HDAC4: variants seen among roughly 807,000 people sequenced by gnomAD.
HDAC4 encodes the protein histone deacetylase 4.
HDAC4 carries 16 observed loss-of-function variants against 135.1 expected under a neutral mutation model. The observed-to-expected ratio is 0.12, with a 90% CI of 0.08 to 0.18. HDAC4 has a LOEUF of 0.18. Ranked by LOEUF, HDAC4 falls within the 10% of genes least tolerant of loss-of-function variation. The pLI, the probability that HDAC4 is intolerant of heterozygous loss-of-function variation, is 1.00. For synonymous variants in HDAC4, 685 were observed against 653.4 expected (o/e 1.05, Z -0.74); for missense variants, 1,143 against 1,511.8 (o/e 0.76, Z 4.05).
chr2:239,216,251 T>C (rs944450139), intron 3 of HDAC4, among the ~76,000 whole-genome samples: 1 of 151,976 alleles, frequency 6.6e-6, no homozygotes, highest in African/African-American at 2.4e-5. Flanking sequence ...CATGTATATG[T>C]AGTATTTATG....
At chr2:239,356,467 C>T (rs1000665916) in intron 1 of HDAC4, among the ~76,000 whole-genome samples, 11 of 152,140 alleles carry the variant, frequency 7.2e-5, no homozygotes, top group Admixed American at 4.6e-4. Context: ...TGTTTTATAA[C>T]GTACAGTCAA....
intron 3 of HDAC4, among the ~76,000 whole-genome samples, chr2:239,201,276 G>A (rs192516225): frequency 6.6e-6 from 1 of 152,126 alleles, no homozygotes; most frequent in Non-Finnish European, 1.5e-5. Flanking sequence ...GGTCACCCAG[G>A]GGGGTGCCTC....
intron 2 of HDAC4, among the ~76,000 whole-genome samples, chr2:239,286,597 AC>A (rs1237248509): frequency 2.0e-5 from 3 of 152,200 alleles, no homozygotes; most frequent in Non-Finnish European, 4.4e-5. Flanking sequence ...GATTTCCAGG[AC>A]TGATAAAACA....
In HDAC4 at chr2:239,141,212, C is replaced by T. The variant is rs189288114; in HGVS notation, c.866-1416G>A. ...GAAGGCGCACCTCCTCTGTTGACCA[C>T]GCTGCCCACCAGGAACACCCTGGGA... On this transcript the variant is annotated intron_variant, in intron 8 of 26. Coordinates refer to ENST00000543185, the MANE Select transcript of HDAC4 (RefSeq NM_001378414.1). The surrounding 1 kb of genome is among the most constrained non-coding windows in gnomAD (Gnocchi z 4.9). Among the ~76,000 whole-genome samples, 77 of 152,256 alleles carry T rather than the reference C, an allele frequency of 5.1e-4. No homozygotes were observed. The East Asian group carries it at 0.014, about 27-fold the overall frequency.
At chr2:239,367,349 C>T (rs909618202) in intron 1 of HDAC4, among the ~76,000 whole-genome samples, 2 of 152,204 alleles carry the variant, frequency 1.3e-5, no homozygotes, top group Non-Finnish European at 2.9e-5. Flanking sequence ...TCTCACGACG[C>T]TTTGTGTTTT....
At position 239,139,602 on chromosome 2, in the gene HDAC4, G is replaced by C; in HGVS notation, c.978+82C>G. On this transcript the variant is annotated intron_variant, in intron 9 of 26. Coordinates refer to ENST00000543185, the MANE Select transcript of HDAC4 (RefSeq NM_001378414.1). The surrounding 1 kb of genome is among the most constrained non-coding windows in gnomAD (Gnocchi z 5.3). Reference sequence around the variant, plus strand: ...TTGGAAGGTGAAGAGTGAAGGGCAAGTGCAAAGTGGGGTCATTTCAAGCTC... The same window carrying C: ...TTGGAAGGTGAAGAGTGAAGGGCAACTGCAAAGTGGGGTCATTTCAAGCTC... 8.0e-7 allele frequency: 1 copy of C among 1,257,138 alleles called. No individual in the cohort carries two copies. The highest frequency in any genetic ancestry group is 1.2e-6 in the Non-Finnish European group (1 of 855,092). 77.9% of individuals were successfully genotyped at this position (1,257,138 alleles called of 1,614,324 possible). A position where few individuals can be genotyped will look rare whatever the true frequency, so the allele number is the denominator to read the frequency against.
intron 14 of HDAC4, among the ~76,000 whole-genome samples, chr2:239,109,784 A>G (rs559296038): frequency 6.6e-6 from 1 of 152,346 alleles, no homozygotes; most frequent in South Asian, 2.1e-4. Context: ...GTGTGTGCAG[A>G]AACAACCAGT....
rs575640968 is a variant in HDAC4, at chr2:239,312,802, G to A, written c.22+39876C>T. Among the ~76,000 whole-genome samples, 27 of 152,324 alleles carry A rather than the reference G, an allele frequency of 1.8e-4. 1 individual carries two copies. Among genetic ancestry groups the A allele is most frequent in the Admixed American group, 7.8e-4 (12 of 15,310 alleles). On this transcript the variant is annotated intron_variant, in intron 2 of 26. Transcript: ENST00000543185. ...GTGGTGGTGGCCCAGCTGCCGTGGC[G>A]CCGGCAGACTAGCCTGGTACACGGA...
In HDAC4 at chr2:239,214,702, A is replaced by G. The variant is rs2046530998; in HGVS notation, c.94+21891T>C. Among the ~76,000 whole-genome samples, 5 of 152,232 alleles carry G rather than the reference A, an allele frequency of 3.3e-5. 1 individual carries two copies. The South Asian group carries it at 1.0e-3, about 32-fold the overall frequency. On this transcript the variant is annotated intron_variant, in intron 3 of 26. Transcript: ENST00000543185. ...ATAGCTTTAAAGAGGTATATTTTAC[A>G]CTCTGCCCTTCTCAAATGTACAATC... is the stretch of plus-strand genomic sequence containing the variant.
intron 1 of HDAC4, among the ~76,000 whole-genome samples, chr2:239,381,111 C>G (rs1176795955): frequency 6.6e-6 from 1 of 152,218 alleles, no homozygotes; most frequent in Non-Finnish European, 1.5e-5. Flanking sequence ...ACGCGATGCT[C>G]TGAGGAAGGA....
chr2:239,248,655 T>C (rs1450586062), intron 2 of HDAC4, among the ~76,000 whole-genome samples: 3 of 152,210 alleles, frequency 2.0e-5, no homozygotes, highest in Admixed American at 6.5e-5. Flanking sequence ...GTCAGGCACT[T>C]ATCTCTGGGT....
chr2:239,325,821 C>T (rs916028925), intron 2 of HDAC4, among the ~76,000 whole-genome samples: 13 of 151,730 alleles, frequency 8.6e-5, no homozygotes, highest in African/African-American at 1.9e-4. Flanking sequence ...AAAAATTAAC[C>T]GGGCGTGGTG....
chr2:239,383,330 G>A (rs987997896), intron 1 of HDAC4, among the ~76,000 whole-genome samples: 5 of 152,286 alleles, frequency 3.3e-5, no homozygotes, highest in East Asian at 3.9e-4. Context: ...GCAGATCCTC[G>A]CTTGGAGGCT....
chr2:239,233,063 A>C (rs2047687946), intron 3 of HDAC4, among the ~76,000 whole-genome samples: 1 of 152,288 alleles, frequency 6.6e-6, no homozygotes, highest in Admixed American at 6.5e-5. Flanking sequence ...AAACGCAAAG[A>C]AATAGGAGGC....
intron 2 of HDAC4, among the ~76,000 whole-genome samples, chr2:239,264,853 G>A (rs114923945): frequency 0.036 from 5,412 of 152,304 alleles, 118 homozygotes; most frequent in East Asian, 0.08. Flanking sequence ...CTTCCTACTC[G>A]GTGTTCCGGG....
At chr2:239,230,105 G>A (rs973665489) in intron 3 of HDAC4, among the ~76,000 whole-genome samples, 2 of 152,050 alleles carry the variant, frequency 1.3e-5, no homozygotes, top group African/African-American at 4.8e-5. Context: ...TCGTGAGATC[G>A]CTGTTTTGAT....
At chr2:239,190,183 G>T (rs1483764082) in intron 3 of HDAC4, 106 bp from the exon 4 acceptor site, 8 of 1,399,282 alleles carry the variant, frequency 5.7e-6, no homozygotes, top group Admixed American at 4.7e-5. Context: ...GCGGGGGGGG[G>T]GTTGTGACCA....
chr2:239,141,218 C>T lies in HDAC4; in HGVS notation c.866-1422G>A, dbSNP rs550448968. On this transcript the variant is annotated intron_variant, in intron 8 of 26. Coordinates refer to ENST00000543185, the MANE Select transcript of HDAC4 (RefSeq NM_001378414.1). This position sits in a 1 kb window ranked among gnomAD's most constrained non-coding sequence, Gnocchi z 4.9. ...GCACCTCCTCTGTTGACCACGCTGC[C>T]CACCAGGAACACCCTGGGAACATCT... Among the ~76,000 whole-genome samples, 5 of 152,224 alleles carry T rather than the reference C, an allele frequency of 3.3e-5. No individual in the cohort carries two copies. Among genetic ancestry groups the T allele is most frequent in the Non-Finnish European group, 7.4e-5 (5 of 68,010 alleles).
At chr2:239,076,589 G>A (rs1252940968) in intron 22 of HDAC4, among the ~76,000 whole-genome samples, 1 of 152,194 alleles carries the variant, frequency 6.6e-6, no homozygotes, top group Non-Finnish European at 1.5e-5. Flanking sequence ...CTGCAGTCCT[G>A]TGGCCACCCA....
Sources: gnomAD v4.1 joint callset for allele counts (sites outside exome capture counted in the v4.1 genomes callset) on GRCh38, gnomAD v4.1.1 for gene constraint, Gnocchi (gnomAD v3.1) non-coding constraint, MANE v1.5 for transcripts, NCBI Gene and HGNC (gene_info 2026-07-23, HGNC 2026-07-21) for gene names.